Variants in OSBPL5 observed in about 807,000 individuals in gnomAD.
OSBPL5 encodes oxysterol binding protein like 5.
OSBPL5 carries 71 observed loss-of-function variants against 111.2 expected under a neutral mutation model. That is an observed-to-expected ratio of 0.64 (90% CI 0.53 to 0.78). The LOEUF is 0.78. OSBPL5 is among the 30% of genes least tolerant of loss of function. OSBPL5 has a pLI of 0.00. For synonymous variants in OSBPL5, 549 were observed against 513.9 expected (o/e 1.07, Z -0.93); for missense variants, 1,210 against 1,189.3 (o/e 1.02, Z -0.26).
At chr11:3,129,531 G>C (rs115877930) in intron 1 of OSBPL5, among the ~76,000 whole-genome samples, 1 of 152,110 alleles carries the variant, frequency 6.6e-6, no homozygotes, top group African/African-American at 2.4e-5. Flanking sequence ...TTTCCCTCCC[G>C]CATTTCCCTC....
intron 2 of OSBPL5, among the ~76,000 whole-genome samples, chr11:3,127,816 T>C (rs1164411027): frequency 6.6e-6 from 1 of 152,102 alleles, no homozygotes; most frequent in African/African-American, 2.4e-5. Flanking sequence ...CTGGTCCTTC[T>C]CCTCACAGCC....
intron 14 of OSBPL5, among the ~76,000 whole-genome samples, chr11:3,099,794 C>G (rs566605143): frequency 6.6e-6 from 1 of 152,138 alleles, no homozygotes; most frequent in South Asian, 2.1e-4. Flanking sequence ...CGAGGCTGGG[C>G]GCGGTGGCTC....
chr11:3,129,587 G>T (rs975427239), intron 1 of OSBPL5, among the ~76,000 whole-genome samples: 1 of 152,198 alleles, frequency 6.6e-6, no homozygotes, highest in African/African-American at 2.4e-5. Flanking sequence ...GAGCTTCCAT[G>T]GAGAAGATGC....
chr11:3,120,314 C>T (rs1167453978), intron 6 of OSBPL5, 107 bp downstream of exon 6: 2 of 1,406,816 alleles, frequency 1.4e-6, no homozygotes, highest in African/African-American at 2.8e-5. Context: ...TGCTCAAGGC[C>T]CCAAGGGGGC....
At chr11:3,112,578 T>A (rs982726936) in intron 7 of OSBPL5, among the ~76,000 whole-genome samples, 2 of 151,694 alleles carry the variant, frequency 1.3e-5, no homozygotes, top group Non-Finnish European at 2.9e-5. Flanking sequence ...TGTCTTTGTT[T>A]AAAAAAAATT....
rs1858429211 is a variant in OSBPL5, at chr11:3,121,903, T to C, written c.402+94A>G. ...ACGGCTAGATGCAGGGAAGTGAATT[T>C]CCATCGTTTCAGGCCACCTGGTTTA... On this transcript the variant is annotated intron_variant, in intron 5 of 21. Coordinates refer to ENST00000263650, the MANE Select transcript of OSBPL5 (RefSeq NM_020896.4). The surrounding 1 kb of genome is among the most constrained non-coding windows in gnomAD (Gnocchi z 4.3). The C allele has an allele frequency of 8.8e-7, 1 of 1,130,308 alleles. No individual in the cohort carries two copies. The highest frequency in any genetic ancestry group is 2.6e-5 in the East Asian group (1 of 38,550). The allele number at this position is 1,130,308 out of a possible 1,614,324, so 70.0% of individuals were successfully genotyped here. A position where few individuals can be genotyped will look rare whatever the true frequency, so the allele number is the denominator to read the frequency against.
At chr11:3,102,905 G>A (rs1025902858) in intron 11 of OSBPL5, among the ~76,000 whole-genome samples, 2 of 152,194 alleles carry the variant, frequency 1.3e-5, no homozygotes, top group African/African-American at 2.4e-5. Flanking sequence ...GGTACCTTGA[G>A]GTTTAAGGTT....
At chr11:3,138,050 G>A (rs1052153399) in intron 1 of OSBPL5, among the ~76,000 whole-genome samples, 3 of 152,220 alleles carry the variant, frequency 2.0e-5, no homozygotes, top group Non-Finnish European at 2.9e-5. Context: ...TGCTGAGGAC[G>A]CAGCATCGAG....
In OSBPL5 at chr11:3,119,478, T is replaced by C. The variant is rs1858325025; in HGVS notation, c.691+69A>G. ...GAACTGGGGCCACCTGTACCTGGGCTACAACCTCAAAAGGGGGCCCACTTC... is the reference window on the plus strand; with the variant it reads ...GAACTGGGGCCACCTGTACCTGGGCCACAACCTCAAAAGGGGGCCCACTTC... On this transcript the variant is annotated intron_variant, in intron 7 of 21. Coordinates refer to ENST00000263650, the MANE Select transcript of OSBPL5 (RefSeq NM_020896.4). 4 of 1,465,970 alleles carry C rather than the reference T, an allele frequency of 2.7e-6. No individual in the cohort carries two copies. In the South Asian group the frequency reaches 4.1e-5, roughly 15 times the overall value. The allele number at this position is 1,465,970 out of a possible 1,614,324, so 90.8% of individuals were successfully genotyped here.
In OSBPL5 at chr11:3,119,628, G is replaced by T; in HGVS notation, c.610C>A (p.Pro204Thr). 1 of 1,576,614 alleles carries T rather than the reference G, an allele frequency of 6.3e-7. No individual in the cohort carries two copies. Reference protein sequence around the residue: ...LDQSVWAVKGPKGESVGSITQ... With the variant: ...LDQSVWAVKGTKGESVGSITQ... ...ATGGAGCCCACGCTCTCACCTTTGG[G>T]GCCCTGGAGAGAGAGAGATCTGGGT... The change falls in exon 7 of 22, where the codon CCC (proline) becomes ACC (threonine). Residue 204 changes from proline to threonine, a missense_variant. Physicochemically the swap from Pro to Thr is conservative, Grantham distance 38. Transcript: ENST00000263650.
chr11:3,102,257 T>G lies in OSBPL5; in HGVS notation c.1351A>C (p.Ile451Leu). Reference protein sequence around the residue: ...PKGIKKPYNPILGETFRCCWF... With the variant: ...PKGIKKPYNPLLGETFRCCWF... ...CAGCAGCGGAAGGTCTCCCCCAGGA[T>G]GGGGTTGTACGGCTTCTTGATTCCC... The change falls in exon 12 of 22, where the codon ATC (isoleucine) becomes CTC (leucine). Residue 451 changes from isoleucine to leucine, a missense_variant. Transcript: ENST00000263650. 1.2e-6 allele frequency: 2 copies of G among 1,605,916 alleles called. No individual in the cohort carries two copies. The highest frequency in any genetic ancestry group is 1.7e-6 in the Non-Finnish European group (2 of 1,176,806).
chr11:3,096,616 CA>C (rs71035478), intron 14 of OSBPL5, among the ~76,000 whole-genome samples: 139 of 136,564 alleles, frequency 1.0e-3, no homozygotes, highest in African/African-American at 2.6e-3. Flanking sequence ...AAGACTCTGT[CA>C]AAAAAAAAAA....
At chr11:3,164,898 G>A (rs374396588) in intron 1 of OSBPL5, among the ~76,000 whole-genome samples, 1 of 152,046 alleles carries the variant, frequency 6.6e-6, no homozygotes, top group African/African-American at 2.4e-5. Flanking sequence ...ACCAAGTGGG[G>A]AGCCGAGCTG....
At chr11:3,155,473 T>A (rs1296358010) in intron 1 of OSBPL5, among the ~76,000 whole-genome samples, 2 of 125,166 alleles carry the variant, frequency 1.6e-5, no homozygotes, top group African/African-American at 3.1e-5. Flanking sequence ...TGCCACTCAC[T>A]CCCCCCAGCT....
rs557075044 is a variant in OSBPL5, at chr11:3,103,802, A to C, written c.1244+391T>G. Among the ~76,000 whole-genome samples the C allele has an allele frequency of 2.0e-3, 83 of 40,742 alleles. 1 individual carries two copies. The highest frequency in any genetic ancestry group is 5.9e-3 in the South Asian group (8 of 1,366). 26.7% of individuals were successfully genotyped at this position (40,742 alleles called of 152,430 possible). On this transcript the variant is annotated intron_variant, in intron 10 of 21. Transcript: ENST00000263650. Reference sequence around the variant, plus strand: ...CTCTGCAGTCCCTTCCTGCCTCTGCAGCCCTCTTCCTGCCTGCGCAGCCCC... The same window carrying C: ...CTCTGCAGTCCCTTCCTGCCTCTGCCGCCCTCTTCCTGCCTGCGCAGCCCC...
chr11:3,165,228 C>G lies in OSBPL5; in HGVS notation c.-34G>C, dbSNP rs1366205090. The G allele has an allele frequency of 6.6e-6, 1 of 150,810 alleles. No individual in the cohort carries two copies. The highest frequency in any genetic ancestry group is 2.4e-5 in the African/African-American group (1 of 41,236). The allele number at this position is 150,810 out of a possible 1,614,324, so 9.3% of individuals were successfully genotyped here. ...GCCGCGCTCCTACCTCCTACCGTGCCGCGAGCTCGGTGCTCCGGGCCGGCC... is the reference window on the plus strand; with the variant it reads ...GCCGCGCTCCTACCTCCTACCGTGCGGCGAGCTCGGTGCTCCGGGCCGGCC... On this transcript the variant is annotated 5_prime_UTR_variant, in exon 1 of 22. Transcript: ENST00000263650. The surrounding 1 kb of genome is among the most constrained non-coding windows in gnomAD (Gnocchi z 7.4).
intron 14 of OSBPL5, among the ~76,000 whole-genome samples, chr11:3,098,896 C>G (rs1159511755): frequency 5.9e-5 from 9 of 151,986 alleles, no homozygotes; most frequent in African/African-American, 2.2e-4. Flanking sequence ...CCTCTGCCCC[C>G]TGGGCTCAGG....
At chr11:3,119,937 T>C (rs1858344765) in intron 6 of OSBPL5, 1 of 454,470 alleles carries the variant, frequency 2.2e-6, no homozygotes, top group Non-Finnish European at 3.9e-6. Flanking sequence ...GATGTTCGAA[T>C]CCCAGAGAAA....
chr11:3,122,127 T>C lies in OSBPL5; in HGVS notation c.301-29A>G, dbSNP rs374692820. The C allele has an allele frequency of 2.3e-5, 35 of 1,539,144 alleles. No homozygotes were observed. The African/African-American group carries it at 4.2e-4, about 19-fold the overall frequency. On this transcript the variant is annotated intron_variant, in intron 4 of 21. Transcript: ENST00000263650. Reference sequence around the variant, plus strand: ...GGCCCGGGGCACCCGCGGTGGGTCATGGGAGAAGGCACCGAGCTGCCCCAG... The same window carrying C: ...GGCCCGGGGCACCCGCGGTGGGTCACGGGAGAAGGCACCGAGCTGCCCCAG...
Sources: allele counts gnomAD v4.1 joint callset (sites outside exome capture counted in the v4.1 genomes callset), GRCh38; gene constraint gnomAD v4.1.1; non-coding constraint Gnocchi (gnomAD v3.1); transcripts MANE v1.5; gene names NCBI Gene and HGNC (gene_info 2026-07-23, HGNC 2026-07-21).